The following TUSC3 variants were observed in gnomAD, a reference collection of about 807,000 sequenced individuals.
TUSC3 encodes the protein tumor suppressor candidate 3, also known as dolichyl-diphosphooligosaccharide--protein glycosyltransferase subunit TUSC3.
In TUSC3, 45 loss-of-function variants were observed where a neutral mutation model predicts 44.8. The ratio of observed to expected loss-of-function variants is 1.00; its 90% CI spans 0.79 to 1.29. The LOEUF (loss-of-function observed/expected upper bound fraction) is 1.29. TUSC3 is among the 50% of genes most tolerant of loss of function. The pLI, the probability that TUSC3 is intolerant of heterozygous loss-of-function variation, is 0.00. For synonymous variants in TUSC3, 212 were observed against 152.9 expected (o/e 1.39, Z -2.85); for missense variants, 519 against 437.9 (o/e 1.19, Z -1.65).
chr8:15,547,647 TTGAG>T (rs35838770), intron 1 of TUSC3, among the ~76,000 whole-genome samples: 28,991 of 151,072 alleles, frequency 0.19, 3,173 homozygotes, highest in South Asian at 0.25. Context: ...AATCCTAACT[TTGAG>T]TGAGAAAGTA....
upstream of TUSC3, chr8:15,540,223 G>T: frequency 1.5e-6 from 1 of 662,580 alleles, no homozygotes; most frequent in Non-Finnish European, 2.2e-6. Context: ...CCCATCCCGC[G>T]CCTTTCCAGG....
In TUSC3 at chr8:15,765,806, G is replaced by A. The variant is rs1812310145; in HGVS notation, c.*1650G>A. ...CCTATCACTAGGCAGAACTTGACCTGTAATTCTTAATCCATTGTAGATTTT... is the reference window on the plus strand; with the variant it reads ...CCTATCACTAGGCAGAACTTGACCTATAATTCTTAATCCATTGTAGATTTT... On this transcript the variant is annotated 3_prime_UTR_variant, in exon 11 of 11. Transcript: ENST00000503731. The A allele has an allele frequency of 6.6e-6, 1 of 151,970 alleles. No individual in the cohort carries two copies. The highest frequency in any genetic ancestry group is 1.5e-5 in the Non-Finnish European group (1 of 67,950). The allele number at this position is 151,970 out of a possible 1,614,324, so 9.4% of individuals were successfully genotyped here.
At chr8:15,670,611 A>G (rs1315475196) in intron 5 of TUSC3, among the ~76,000 whole-genome samples, 1 of 152,052 alleles carries the variant, frequency 6.6e-6, no homozygotes, top group East Asian at 1.9e-4. Context: ...GTATCTCCAT[A>G]ATTGGTGGGT....
At chr8:15,541,931 C>G (rs1457094282) in intron 1 of TUSC3, among the ~76,000 whole-genome samples, 1 of 151,492 alleles carries the variant, frequency 6.6e-6, no homozygotes, top group East Asian at 1.9e-4. Flanking sequence ...CTAGGACGAT[C>G]CCTAGGACCA....
chr8:15,509,566 C>T (rs931756756), intron 2 of TUSC3, among the ~76,000 whole-genome samples: 1 of 151,962 alleles, frequency 6.6e-6, no homozygotes, highest in Admixed American at 6.6e-5. Context: ...CGAGATTGTG[C>T]CACTGCACTC....
the TUSC3 span, among the ~76,000 whole-genome samples, chr8:15,824,021 A>G: frequency 6.6e-6 from 1 of 152,218 alleles, no homozygotes; most frequent in South Asian, 2.1e-4. Context: ...TTGGTTCTCA[A>G]AAAATTTTTT....
the TUSC3 span, among the ~76,000 whole-genome samples, chr8:15,833,280 C>T: frequency 6.6e-6 from 1 of 152,028 alleles, no homozygotes; most frequent in Non-Finnish European, 1.5e-5. Flanking sequence ...ATTAGTTCAA[C>T]CATTGTGGAA....
At chr8:15,814,997 C>T in the TUSC3 span, among the ~76,000 whole-genome samples, 2 of 151,848 alleles carry the variant, frequency 1.3e-5, no homozygotes, top group African/African-American at 4.8e-5. Flanking sequence ...CAACATGAAA[C>T]AAGATACACA....
chr8:15,729,645 G>C (rs1314092845), intron 6 of TUSC3, among the ~76,000 whole-genome samples: 1 of 152,104 alleles, frequency 6.6e-6, no homozygotes, highest in African/African-American at 2.4e-5. Context: ...TAACTTGTAA[G>C]TAGTAGCTAA....
intron 2 of TUSC3, among the ~76,000 whole-genome samples, chr8:15,534,508 T>G (rs2129131044): frequency 6.6e-6 from 1 of 151,748 alleles, no homozygotes; most frequent in Non-Finnish European, 1.5e-5. Context: ...CCGGGCTTGG[T>G]GGTGGGCTCC....
chr8:15,778,676 A>G, the TUSC3 span, among the ~76,000 whole-genome samples: 1 of 152,162 alleles, frequency 6.6e-6, no homozygotes, highest in African/African-American at 2.4e-5. Flanking sequence ...TTTTATGCCA[A>G]ATAGGGAAAG....
chr8:15,652,092 C>T (rs923417200), intron 3 of TUSC3, among the ~76,000 whole-genome samples: 2 of 152,066 alleles, frequency 1.3e-5, no homozygotes, highest in Non-Finnish European at 2.9e-5. Flanking sequence ...ATGCTGTTAC[C>T]CTGCAGTTCA....
chr8:15,644,328 C>G (rs1391821518), intron 2 of TUSC3, among the ~76,000 whole-genome samples: 1 of 152,234 alleles, frequency 6.6e-6, no homozygotes, highest in Admixed American at 6.5e-5. Flanking sequence ...GAATTTATGG[C>G]GTTCACTACA....
At chr8:15,623,912 A>G (rs753109341) in intron 2 of TUSC3, among the ~76,000 whole-genome samples, 7 of 152,150 alleles carry the variant, frequency 4.6e-5, no homozygotes, top group Non-Finnish European at 7.4e-5. Flanking sequence ...GAACAGCTCT[A>G]TTACTGCAGG....
chr8:15,606,888 C>T (rs80343502), intron 1 of TUSC3, among the ~76,000 whole-genome samples: 2 of 151,728 alleles, frequency 1.3e-5, no homozygotes, highest in Non-Finnish European at 2.9e-5. Context: ...TTTTAACTTA[C>T]GTTTTCCAGT....
At chr8:15,474,856 A>T (rs189079225) in intron 1 of TUSC3, among the ~76,000 whole-genome samples, 50 of 152,248 alleles carry the variant, frequency 3.3e-4, no homozygotes, top group African/African-American at 1.2e-3. Context: ...ACCCATCCCA[A>T]CCCTGACCGT....
intron 1 of TUSC3, among the ~76,000 whole-genome samples, chr8:15,419,142 G>A (rs1293705183): frequency 6.6e-6 from 1 of 152,136 alleles, no homozygotes; most frequent in Non-Finnish European, 1.5e-5. Context: ...AGTCCATTTT[G>A]TCTCATCTCT....
chr8:15,614,283 A>T (rs1247274200), intron 1 of TUSC3, among the ~76,000 whole-genome samples: 1 of 152,104 alleles, frequency 6.6e-6, no homozygotes, highest in Non-Finnish European at 1.5e-5. Context: ...ACTTATGCCC[A>T]CTAGCCTTTA....
At chr8:15,574,819 G>C (rs891887568) in intron 1 of TUSC3, among the ~76,000 whole-genome samples, 38 of 152,192 alleles carry the variant, frequency 2.5e-4, no homozygotes, top group African/African-American at 9.2e-4. Flanking sequence ...TTTTATCCAG[G>C]TGTAAATCAC....
Sources: allele counts gnomAD v4.1 joint callset (sites outside exome capture counted in the v4.1 genomes callset), GRCh38; gene constraint gnomAD v4.1.1; transcripts MANE v1.5; gene names NCBI Gene and HGNC (gene_info 2026-07-23, HGNC 2026-07-21).